SERPINI2: variants seen among roughly 807,000 people sequenced by gnomAD.
The protein encoded by SERPINI2 is serpin I2.
In SERPINI2, 48 loss-of-function variants were observed where a neutral mutation model predicts 47.3. That is an observed-to-expected ratio of 1.02 (90% CI 0.81 to 1.29). SERPINI2 has a LOEUF of 1.29. Among genes scored for constraint, SERPINI2 ranks in the 50% most tolerant of loss-of-function variants. The pLI is 0.00. For synonymous variants in SERPINI2, 135 were observed against 149.3 expected (o/e 0.90, Z 0.70); for missense variants, 448 against 456.9 (o/e 0.98, Z 0.18).
In SERPINI2 at chr3:167,442,191, GA is replaced by G. The variant is rs763577270; in HGVS notation, c.1142-7del. 5.3e-5 allele frequency: 79 copies of G among 1,503,632 alleles called. No individual in the cohort carries two copies. Among genetic ancestry groups the G allele is most frequent in the South Asian group, 2.9e-4 (22 of 75,926 alleles). 93.1% of individuals were successfully genotyped at this position (1,503,632 alleles called of 1,614,324 possible). The stretch of plus-strand genomic sequence containing the variant: ...TCCCATAAACAGAATTGATTCTAGG[GA>G]AAAAAAAACAAAAAAATATACTTTA... On this transcript the variant is annotated splice_region_variant and splice_polypyrimidine_tract_variant and intron_variant, in intron 8 of 8. Transcript: ENST00000264677.
intron 5 of SERPINI2, among the ~76,000 whole-genome samples, chr3:167,459,084 T>G (rs1394849206): frequency 1.3e-5 from 2 of 151,210 alleles, no homozygotes; most frequent in South Asian, 2.1e-4. Context: ...TTTTGTTTTT[T>G]TTTTTTTTGA....
intron 6 of SERPINI2, among the ~76,000 whole-genome samples, chr3:167,452,188 C>G (rs909396262): frequency 2.0e-5 from 3 of 152,186 alleles, no homozygotes; most frequent in African/African-American, 7.2e-5. Context: ...ACAACCCCAT[C>G]AGACAGACAA....
At chr3:167,443,232 C>T (rs6783317) in intron 8 of SERPINI2, among the ~76,000 whole-genome samples, 11 of 152,014 alleles carry the variant, frequency 7.2e-5, no homozygotes, top group African/African-American at 2.2e-4. Flanking sequence ...CTCAGCCTCC[C>T]GAGTAGCTGG....
At chr3:167,463,686 A>C (rs1360359412) in intron 5 of SERPINI2, among the ~76,000 whole-genome samples, 1 of 152,330 alleles carries the variant, frequency 6.6e-6, no homozygotes, top group Admixed American at 6.5e-5. Context: ...AAGGTAAAGA[A>C]AGAGAAGATT....
rs941991631 is a variant in SERPINI2, at chr3:167,471,581, G to A, written c.247+7C>T. On this transcript the variant is annotated splice_region_variant and intron_variant, in intron 2 of 8. Transcript: ENST00000264677. Reference sequence around the variant, plus strand: ...CCAGTATAAGTAAGGAGATGTAAGAGTCTCACCAGCTGAGGTTTCCTGTTG... The same window carrying A: ...CCAGTATAAGTAAGGAGATGTAAGAATCTCACCAGCTGAGGTTTCCTGTTG... 1.9e-6 allele frequency: 3 copies of A among 1,612,690 alleles called. No individual in the cohort carries two copies. Among genetic ancestry groups the A allele is most frequent in the Admixed American group, 1.7e-5 (1 of 59,866 alleles).
At chr3:167,458,572 A>T (rs1749879081) in intron 5 of SERPINI2, among the ~76,000 whole-genome samples, 1 of 151,684 alleles carries the variant, frequency 6.6e-6, no homozygotes, top group African/African-American at 2.4e-5. Context: ...GTCTTAGTGA[A>T]TTTCTTGCAC....
chr3:167,459,756 T>C (rs982627312), intron 5 of SERPINI2, among the ~76,000 whole-genome samples: 4 of 151,942 alleles, frequency 2.6e-5, no homozygotes, highest in Non-Finnish European at 5.9e-5. Flanking sequence ...TTTATTACAG[T>C]TGGTGTTATG....
chr3:167,469,015 G>A (rs1750233018), intron 2 of SERPINI2, among the ~76,000 whole-genome samples: 1 of 152,132 alleles, frequency 6.6e-6, no homozygotes. Context: ...AAGTCTATGT[G>A]ACAAACAGCT....
intron 6 of SERPINI2, among the ~76,000 whole-genome samples, chr3:167,450,901 A>C (rs1401587983): frequency 6.6e-6 from 1 of 152,326 alleles, no homozygotes; most frequent in Admixed American, 6.5e-5. Context: ...GAGAAAGCCC[A>C]GTCTTAGGAA....
chr3:167,474,133 C>T, upstream of SERPINI2: 1 of 993,964 alleles, frequency 1.0e-6, no homozygotes, highest in Non-Finnish European at 1.2e-6. Flanking sequence ...ATTAATTCCT[C>T]TAGAACAAAA....
At chr3:167,451,449 A>C (rs187528259) in intron 6 of SERPINI2, among the ~76,000 whole-genome samples, 1 of 152,350 alleles carries the variant, frequency 6.6e-6, no homozygotes, top group Admixed American at 6.5e-5. Context: ...ACAAATGATA[A>C]GTAGAGATAG....
At chr3:167,476,600 G>A (rs913228220), upstream of SERPINI2, among the ~76,000 whole-genome samples, 1 of 151,862 alleles carries the variant, frequency 6.6e-6, no homozygotes, top group Non-Finnish European at 1.5e-5. Context: ...TATCTTCAAG[G>A]GTAAACAGTA....
At chr3:167,476,746 C>T (rs78432702), upstream of SERPINI2, among the ~76,000 whole-genome samples, 8 of 152,040 alleles carry the variant, frequency 5.3e-5, no homozygotes, top group East Asian at 3.9e-4. Flanking sequence ...CACTTCAGAA[C>T]GCTGAGGGTA....
chr3:167,465,429 A>G (rs2108168912), intron 4 of SERPINI2, 31 bp from the exon 5 acceptor site: 1 of 1,603,812 alleles, frequency 6.2e-7, no homozygotes, highest in Non-Finnish European at 8.5e-7. Flanking sequence ...TATCAAATAT[A>G]CTTGGCAATT....
rs567197740 is a variant in SERPINI2 at position 167,459,680 on chromosome 3, GGT to G, written c.866+5524_866+5525del. ...CTTAAATATAAACATTCTTATGGGT[GGT>G]TTTTTTTTTTTTTTGGCATATACTA... is the stretch of plus-strand genomic sequence containing the variant. On this transcript the variant is annotated intron_variant, in intron 5 of 8. Transcript: ENST00000264677. Among the ~76,000 whole-genome samples the G allele has an allele frequency of 3.4e-3, 259 of 75,748 alleles. 1 individual carries two copies. Among genetic ancestry groups the G allele is most frequent in the Middle Eastern group, 0.031 (5 of 162 alleles). The allele number at this position is 75,748 out of a possible 152,430, so 49.7% of individuals were successfully genotyped here.
At chr3:167,458,430 T>A (rs1413824582) in intron 5 of SERPINI2, among the ~76,000 whole-genome samples, 2 of 149,804 alleles carry the variant, frequency 1.3e-5, no homozygotes, top group Non-Finnish European at 3.0e-5. Context: ...GTTTGTATTT[T>A]TTTTTTTTTT....
chr3:167,449,490 A>T (rs1577168198), intron 6 of SERPINI2, 88 bp from the exon 7 acceptor site: 2 of 570,600 alleles, frequency 3.5e-6, no homozygotes, highest in Non-Finnish European at 5.5e-6. Flanking sequence ...ACATTTATTT[A>T]TTTATTTATT....
chr3:167,454,148 G>C (rs1560231902), intron 5 of SERPINI2, among the ~76,000 whole-genome samples: 1 of 152,178 alleles, frequency 6.6e-6, no homozygotes, highest in Non-Finnish European at 1.5e-5. Context: ...CAGCAGGTAG[G>C]CCCACATCTG....
chr3:167,464,769 A>ATAAT (rs1199099890), intron 5 of SERPINI2, among the ~76,000 whole-genome samples: 5 of 152,198 alleles, frequency 3.3e-5, no homozygotes, highest in Non-Finnish European at 7.3e-5. Flanking sequence ...GATTCTGTTT[A>ATAAT]TAATTCAATG....
Sources: gnomAD v4.1 joint callset for allele counts (sites outside exome capture counted in the v4.1 genomes callset) on GRCh38, gnomAD v4.1.1 for gene constraint, MANE v1.5 for transcripts, NCBI Gene and HGNC (gene_info 2026-07-23, HGNC 2026-07-21) for gene names.